Variants in PDS5B observed in about 807,000 individuals in gnomAD.
The protein encoded by PDS5B is PDS5 cohesin associated factor B.
PDS5B carries 51 observed loss-of-function variants against 184.1 expected under a neutral mutation model. That is an observed-to-expected ratio of 0.28 (90% CI 0.22 to 0.35). The LOEUF is 0.35. Among genes scored for constraint, PDS5B ranks in the 10% least tolerant of loss-of-function variants. The probability of loss-of-function intolerance (pLI) is 1.00; values close to 1 mark genes in which losing one functional copy is unlikely to be tolerated. For missense variants in PDS5B, 1,180 were observed against 1,723.3 expected, an observed-to-expected ratio of 0.68 and a Z score of 5.58; for synonymous variants, 566 against 569.2, an observed-to-expected ratio of 0.99 and a Z score of 0.08.
intron 19 of PDS5B, among the ~76,000 whole-genome samples, chr13:32,723,496 T>A (rs1952789929): frequency 6.6e-6 from 1 of 152,166 alleles, no homozygotes; most frequent in African/African-American, 2.4e-5. Context: ...GCAGTCAGCA[T>A]AGGTGGTTAT....
chr13:32,702,184 C>T (rs1951881430), intron 17 of PDS5B, among the ~76,000 whole-genome samples: 1 of 151,994 alleles, frequency 6.6e-6, no homozygotes, highest in Admixed American at 6.6e-5. Flanking sequence ...TATGCTCAAA[C>T]CCTGTTGGAG....
At chr13:32,704,038 A>G (rs529282426) in intron 17 of PDS5B, among the ~76,000 whole-genome samples, 1 of 152,366 alleles carries the variant, frequency 6.6e-6, no homozygotes, top group South Asian at 2.1e-4. Flanking sequence ...AATAAATATT[A>G]CATTGTATAA....
chr13:32,620,427 G>C (rs972748231), intron 1 of PDS5B, among the ~76,000 whole-genome samples: 22 of 152,132 alleles, frequency 1.4e-4, no homozygotes, highest in Non-Finnish European at 3.2e-4. Flanking sequence ...GGAGGCCGAG[G>C]CGGGCGGATC....
intron 1 of PDS5B, among the ~76,000 whole-genome samples, chr13:32,611,464 T>C (rs1211245510): frequency 6.6e-6 from 1 of 152,026 alleles, no homozygotes; most frequent in African/African-American, 2.4e-5. Flanking sequence ...AAACAGTTTC[T>C]GTGAAAGACA....
intron 11 of PDS5B, among the ~76,000 whole-genome samples, chr13:32,684,339 T>C (rs1045203373): frequency 6.6e-6 from 1 of 152,246 alleles, no homozygotes; most frequent in African/African-American, 2.4e-5. Flanking sequence ...ACTTCTCTTA[T>C]GTTGTTGACT....
At chr13:32,633,395 C>T (rs1339813874) in intron 1 of PDS5B, among the ~76,000 whole-genome samples, 4 of 152,140 alleles carry the variant, frequency 2.6e-5, no homozygotes, top group Non-Finnish European at 5.9e-5. Context: ...TATGTGAATT[C>T]TGTCTTAATA....
intron 31 of PDS5B, among the ~76,000 whole-genome samples, chr13:32,765,420 A>G (rs996892644): frequency 2.6e-5 from 4 of 152,206 alleles, no homozygotes; most frequent in Non-Finnish European, 4.4e-5. Context: ...GTTCGAATCT[A>G]CGTGATTAAG....
Position 32,775,987 on chromosome 13 carries a change from A to G in PDS5B, c.*935A>G, listed in dbSNP as rs1954946628. 1 of 191,258 alleles carries G rather than the reference A, an allele frequency of 5.2e-6. No homozygotes were observed. Among genetic ancestry groups the G allele is most frequent in the African/African-American group, 2.4e-5 (1 of 41,920 alleles). The allele number at this position is 191,258 out of a possible 1,614,324, so 11.8% of individuals were successfully genotyped here. A position where few individuals can be genotyped will look rare whatever the true frequency, so the allele number is the denominator to read the frequency against. ...TTCAGAAAATGCAAATTACACTATA[A>G]TATAAAACCTGATATATACACATTA... On this transcript the variant is annotated 3_prime_UTR_variant, in exon 35 of 35. Coordinates refer to ENST00000315596, the MANE Select transcript of PDS5B (RefSeq NM_015032.4).
At chr13:32,759,570 A>G in intron 28 of PDS5B, 58 bp from the exon 29 acceptor site, 1 of 758,134 alleles carries the variant, frequency 1.3e-6, no homozygotes, top group Non-Finnish European at 2.1e-6. Context: ...TGGCTTTTGA[A>G]CCACCTGTAG....
chr13:32,703,038 A>G (rs980964737), intron 17 of PDS5B, among the ~76,000 whole-genome samples: 2 of 152,214 alleles, frequency 1.3e-5, no homozygotes, highest in Admixed American at 1.3e-4. Flanking sequence ...AAATATTAGG[A>G]TTCAAGTCCA....
At position 32,701,351 on chromosome 13, in the gene PDS5B, C is replaced by T. The variant is rs749063180; in HGVS notation, c.1769C>T (p.Pro590Leu). 6.2e-7 allele frequency: 1 copy of T among 1,612,016 alleles called. No individual in the cohort carries two copies. Among genetic ancestry groups the T allele is most frequent in the South Asian group, 1.1e-5 (1 of 90,992 alleles). The change falls in exon 17 of 35, where the codon CCC (proline) becomes CTC (leucine). Residue 590 changes from proline (P) to leucine (L), a missense_variant. Pro to Leu is a moderately conservative substitution (Grantham distance 98). Transcript: ENST00000315596. ...GAAATAACTAAGAAGTTGGGCAACCCCAAACAGCCTACAAATCCTTTCCTG... is the reference window on the plus strand; with the variant it reads ...GAAATAACTAAGAAGTTGGGCAACCTCAAACAGCCTACAAATCCTTTCCTG... Reference protein sequence around the residue: ...VREITKKLGNPKQPTNPFLEM... With the variant: ...VREITKKLGNLKQPTNPFLEM...
At chr13:32,766,518 C>T (rs570645822) in intron 31 of PDS5B, among the ~76,000 whole-genome samples, 3 of 152,116 alleles carry the variant, frequency 2.0e-5, no homozygotes, top group Non-Finnish European at 4.4e-5. Flanking sequence ...CTAGTTTTGA[C>T]TGAAGTGCCC....
chr13:32,708,155 C>G (rs1030382271), intron 18 of PDS5B, among the ~76,000 whole-genome samples: 3 of 152,160 alleles, frequency 2.0e-5, no homozygotes, highest in African/African-American at 7.2e-5. Context: ...AGCTACAACT[C>G]TCTGCACCCT....
At chr13:32,698,605 G>T (rs949668487) in intron 15 of PDS5B, among the ~76,000 whole-genome samples, 2 of 151,986 alleles carry the variant, frequency 1.3e-5, no homozygotes, top group Non-Finnish European at 2.9e-5. Context: ...TATATTTTTA[G>T]ATTCTTAACT....
At chr13:32,768,550 T>C (rs1008539793) in intron 31 of PDS5B, among the ~76,000 whole-genome samples, 6 of 152,002 alleles carry the variant, frequency 3.9e-5, no homozygotes, top group African/African-American at 1.2e-4. Context: ...CCCAGCACTT[T>C]GGGAGGCCGA....
intron 19 of PDS5B, among the ~76,000 whole-genome samples, chr13:32,718,496 G>A (rs767795883): frequency 1.2e-4 from 18 of 152,098 alleles, no homozygotes; most frequent in Non-Finnish European, 1.6e-4. Flanking sequence ...ATAGGAATCC[G>A]TACCTTCATA....
chr13:32,700,034 G>A (rs1951822841), intron 16 of PDS5B, among the ~76,000 whole-genome samples, 165 bp downstream of exon 16: 1 of 152,054 alleles, frequency 6.6e-6, no homozygotes, highest in African/African-American at 2.4e-5. Flanking sequence ...TAATATTGTG[G>A]TGTATGTCCT....
At chr13:32,609,379 TA>T (rs2058107328) in intron 1 of PDS5B, among the ~76,000 whole-genome samples, 1 of 152,164 alleles carries the variant, frequency 6.6e-6, no homozygotes, top group Non-Finnish European at 1.5e-5. Flanking sequence ...GGAAAATACT[TA>T]TTAGAGTTCT....
chr13:32,686,541 T>C (rs1049494880), intron 11 of PDS5B, among the ~76,000 whole-genome samples: 1 of 152,186 alleles, frequency 6.6e-6, no homozygotes, highest in Non-Finnish European at 1.5e-5. Context: ...CCCAGCACTT[T>C]AGGAGGCTGA....
Sources: gnomAD v4.1 joint callset for allele counts (sites outside exome capture counted in the v4.1 genomes callset) on GRCh38, gnomAD v4.1.1 for gene constraint, MANE v1.5 for transcripts, NCBI Gene and HGNC (gene_info 2026-07-23, HGNC 2026-07-21) for gene names.